The following HEMK2 variants were observed in gnomAD, a reference collection of about 807,000 sequenced individuals.
HEMK2 encodes the protein methyltransferase HEMK2.
the HEMK2 span, among the ~76,000 whole-genome samples, chr21:28,624,665 C>G: frequency 6.6e-6 from 1 of 152,134 alleles, no homozygotes; most frequent in Admixed American, 6.5e-5. Context: ...GAGAAGGACC[C>G]TGGAAAGATC....
the HEMK2 span, among the ~76,000 whole-genome samples, chr21:28,638,664 A>T: frequency 6.6e-6 from 1 of 152,170 alleles, no homozygotes; most frequent in Non-Finnish European, 1.5e-5. Flanking sequence ...AGCCCAGCTC[A>T]GCTCATTCTA....
the HEMK2 span, among the ~76,000 whole-genome samples, chr21:28,832,346 T>C: frequency 2.0e-5 from 3 of 152,206 alleles, no homozygotes; most frequent in Non-Finnish European, 1.5e-5. Context: ...GGAGCAGTCT[T>C]GAGTGTGTCT....
At chr21:28,742,618 A>G in the HEMK2 span, among the ~76,000 whole-genome samples, 1 of 152,104 alleles carries the variant, frequency 6.6e-6, no homozygotes, top group African/African-American at 2.4e-5. Context: ...TTCCTTTTCC[A>G]AGTTTTAATC....
chr21:28,648,160 C>G, the HEMK2 span, among the ~76,000 whole-genome samples: 1 of 152,204 alleles, frequency 6.6e-6, no homozygotes, highest in Non-Finnish European at 1.5e-5. Context: ...AAAATTATGA[C>G]AGCAGCTTAA....
chr21:28,697,256 T>C, the HEMK2 span, among the ~76,000 whole-genome samples: 7 of 152,322 alleles, frequency 4.6e-5, no homozygotes, highest in South Asian at 1.4e-3. Flanking sequence ...CTTTGCTGCT[T>C]AGAAATTTCT....
At chr21:28,868,964 C>T in the HEMK2 span, among the ~76,000 whole-genome samples, 3 of 151,794 alleles carry the variant, frequency 2.0e-5, no homozygotes, top group South Asian at 6.2e-4. Context: ...TTTTCCTATC[C>T]TTTTCCCTTT....
the HEMK2 span, among the ~76,000 whole-genome samples, chr21:28,743,804 G>A: frequency 6.6e-6 from 1 of 152,188 alleles, no homozygotes; most frequent in African/African-American, 2.4e-5. Flanking sequence ...TCATGCAAAT[G>A]TGTCTGGTAG....
the HEMK2 span, among the ~76,000 whole-genome samples, chr21:28,826,930 G>A: frequency 1.3e-5 from 2 of 152,270 alleles, no homozygotes; most frequent in Admixed American, 6.5e-5. Context: ...ATGTCATCCA[G>A]TAAGTAGGCT....
chr21:28,822,865 ATTAC>A, the HEMK2 span, among the ~76,000 whole-genome samples: 2 of 122,768 alleles, frequency 1.6e-5, no homozygotes, highest in African/African-American at 1.1e-4. Context: ...ATTAACGTCC[ATTAC>A]TCCATTCGAT....
the HEMK2 span, among the ~76,000 whole-genome samples, chr21:28,844,364 G>T: frequency 6.6e-6 from 1 of 152,040 alleles, no homozygotes; most frequent in African/African-American, 2.4e-5. Context: ...GAAATGTGAT[G>T]TAAGTCTACA....
the HEMK2 span, among the ~76,000 whole-genome samples, chr21:28,588,741 A>G: frequency 2.0e-5 from 3 of 152,132 alleles, no homozygotes; most frequent in Non-Finnish European, 2.9e-5. Flanking sequence ...GAGGCCGAGG[A>G]GGTCGGATCA....
At chr21:28,613,682 T>C in the HEMK2 span, among the ~76,000 whole-genome samples, 1 of 135,892 alleles carries the variant, frequency 7.4e-6, no homozygotes, top group African/African-American at 2.8e-5. Flanking sequence ...TCTAACAATA[T>C]AATTAATTCA....
the HEMK2 span, among the ~76,000 whole-genome samples, chr21:28,651,543 G>T: frequency 6.6e-6 from 1 of 152,136 alleles, no homozygotes; most frequent in Admixed American, 6.5e-5. Context: ...ATTTTTAATT[G>T]TAAGTTGCAA....
chr21:28,613,101 T>A, the HEMK2 span, among the ~76,000 whole-genome samples: 62 of 130,026 alleles, frequency 4.8e-4, no homozygotes, highest in African/African-American at 1.7e-3. Context: ...GATAGAAAGA[T>A]AGATAGATAG....
chr21:28,619,909 C>G, the HEMK2 span, among the ~76,000 whole-genome samples: 1 of 152,196 alleles, frequency 6.6e-6, no homozygotes, highest in Non-Finnish European at 1.5e-5. Context: ...GGAAATGTCT[C>G]TTAAAACTCT....
the HEMK2 span, among the ~76,000 whole-genome samples, chr21:28,584,523 G>A: frequency 6.6e-6 from 1 of 152,100 alleles, no homozygotes; most frequent in African/African-American, 2.4e-5. Flanking sequence ...TCTCAAAAAT[G>A]TCAGGAAAGC....
At chr21:28,706,010 A>G in the HEMK2 span, among the ~76,000 whole-genome samples, 1 of 152,188 alleles carries the variant, frequency 6.6e-6, no homozygotes, top group African/African-American at 2.4e-5. Flanking sequence ...TTAATATCAC[A>G]TCTTCAAAGT....
chr21:28,626,391 A>C, the HEMK2 span, among the ~76,000 whole-genome samples: 2 of 152,208 alleles, frequency 1.3e-5, no homozygotes, highest in African/African-American at 4.8e-5. Context: ...GAGCAAATAA[A>C]ATAAATCCTA....
At chr21:28,703,748 G>A in the HEMK2 span, among the ~76,000 whole-genome samples, 3 of 152,088 alleles carry the variant, frequency 2.0e-5, no homozygotes, top group Non-Finnish European at 2.9e-5. Context: ...AGCATCCTCT[G>A]GAACAGGAAA....
Sources: gnomAD v4.1 joint callset for allele counts (sites outside exome capture counted in the v4.1 genomes callset) on GRCh38, gnomAD v4.1.1 for gene constraint, MANE v1.5 for transcripts, NCBI Gene and HGNC (gene_info 2026-07-23, HGNC 2026-07-21) for gene names.